Variants in CDKN2C observed in about 807,000 individuals in gnomAD.
CDKN2C encodes the protein cyclin-dependent kinase 4 inhibitor C.
A neutral mutation model predicts 11.0 loss-of-function variants in CDKN2C; 5 were observed. The observed-to-expected ratio is 0.45, with a 90% confidence interval of 0.24 to 0.95. CDKN2C has a LOEUF of 0.95. Ranked by LOEUF, CDKN2C falls within the 40% of genes least tolerant of loss-of-function variation. CDKN2C has a pLI of 0.21. For synonymous variants in CDKN2C, 79 were observed against 88.3 expected, an observed-to-expected ratio of 0.89 and a Z score of 0.59; for missense variants, 161 against 211.9, an observed-to-expected ratio of 0.76 and a Z score of 1.49.
chr1:50,971,587 G>A (rs746131050), intron 1 of CDKN2C, among the ~76,000 whole-genome samples: 2 of 152,126 alleles, frequency 1.3e-5, no homozygotes, highest in Non-Finnish European at 2.9e-5. Context: ...ATTAAGTAAT[G>A]ATTTTTTTTC....
rs1645399663 is a variant in CDKN2C, at chr1:50,974,555, C to CA, written c.*287dup. ...CCCTTGCTTCCCCTTTTGCCAATCT[C>CA]AACACCCAAGTTGAAGACTTTGTTT... On this transcript the variant is annotated 3_prime_UTR_variant, in exon 2 of 2. Transcript: ENST00000371761. 5.9e-6 allele frequency: 2 copies of CA among 336,302 alleles called. No homozygotes were observed. The highest frequency in any genetic ancestry group is 1.1e-5 in the Non-Finnish European group (2 of 185,246). The allele number at this position is 336,302 out of a possible 1,614,324, so 20.8% of individuals were successfully genotyped here. A position where few individuals can be genotyped will look rare whatever the true frequency, so the allele number is the denominator to read the frequency against.
At chr1:50,968,744 T>TC, upstream of CDKN2C, 1 of 152,258 alleles carries the variant, frequency 6.6e-6, no homozygotes, top group Admixed American at 6.5e-5. Flanking sequence ...GGCGGGTTTT[T>TC]CAACTCAAAA....
upstream of CDKN2C, among the ~76,000 whole-genome samples, chr1:50,966,202 C>T (rs1331977105): frequency 6.6e-6 from 1 of 151,898 alleles, no homozygotes; most frequent in African/African-American, 2.4e-5. Flanking sequence ...CCACGCCCAG[C>T]TAATTTTTTT....
chr1:50,965,129 T>C (rs1645341888), intron 1 of CDKN2C, among the ~76,000 whole-genome samples: 1 of 151,938 alleles, frequency 6.6e-6, no homozygotes, highest in African/African-American at 2.4e-5. Context: ...CATGAAACAC[T>C]ATACAAATAT....
chr1:50,965,875 A>G (rs1482375956), upstream of CDKN2C, among the ~76,000 whole-genome samples: 1 of 152,182 alleles, frequency 6.6e-6, no homozygotes, highest in Non-Finnish European at 1.5e-5. Flanking sequence ...CTGTTGATCT[A>G]TAAATACAAC....
chr1:50,967,759 G>C (rs1386905020), upstream of CDKN2C, among the ~76,000 whole-genome samples: 1 of 152,172 alleles, frequency 6.6e-6, no homozygotes, highest in Non-Finnish European at 1.5e-5. Context: ...TAAAGGATTA[G>C]GAGAGAGACC....
intron 1 of CDKN2C, among the ~76,000 whole-genome samples, chr1:50,964,113 T>C (rs1385130705): frequency 6.6e-6 from 1 of 152,220 alleles, no homozygotes; most frequent in African/African-American, 2.4e-5. Context: ...TTATTTAACA[T>C]GGTACATCTA....
upstream of CDKN2C, chr1:50,967,935 G>T (rs1331520706): frequency 1.3e-5 from 2 of 152,164 alleles, no homozygotes; most frequent in Admixed American, 1.3e-4. Flanking sequence ...TCTAATAATA[G>T]GACTATTTCG....
chr1:50,974,026 C>G lies in CDKN2C; in HGVS notation c.263C>G (p.Thr88Ser), dbSNP rs1216520571. ...GCAGGTTTCCTGGACACTTTACAGA[C>G]TTTGCTGGAGTTTCAAGCTGATGTT... ...ARAGFLDTLQ[T>S]LLEFQADVNI... The change falls in exon 2 of 2, where the codon ACT becomes AGT. Residue 88 changes from threonine (T) to serine (S), a missense_variant. Thr to Ser is a moderately conservative substitution (Grantham distance 58, BLOSUM62 1). Transcript: ENST00000371761. The G allele has an allele frequency of 9.3e-6, 15 of 1,614,056 alleles. No individual in the cohort carries two copies. The highest frequency in any genetic ancestry group is 1.1e-5 in the Non-Finnish European group (13 of 1,180,042).
At chr1:50,965,903 G>A (rs935823382), upstream of CDKN2C, among the ~76,000 whole-genome samples, 5 of 152,138 alleles carry the variant, frequency 3.3e-5, no homozygotes, top group South Asian at 6.2e-4. Context: ...AAAACTTTGA[G>A]ACCAGTTAAA....
chr1:50,965,010 G>A (rs1407901679), intron 1 of CDKN2C, among the ~76,000 whole-genome samples: 2 of 151,724 alleles, frequency 1.3e-5, no homozygotes, highest in East Asian at 1.9e-4. Context: ...CTGAGATCGC[G>A]CCACTGCACT....
chr1:50,965,551 T>G (rs1434691890), upstream of CDKN2C, among the ~76,000 whole-genome samples: 2 of 150,444 alleles, frequency 1.3e-5, no homozygotes, highest in Non-Finnish European at 3.0e-5. Context: ...CTCCACAAAA[T>G]TAGAAAAATT....
chr1:50,970,705 A>G (rs958417278), intron 1 of CDKN2C, among the ~76,000 whole-genome samples: 2 of 152,180 alleles, frequency 1.3e-5, no homozygotes, highest in African/African-American at 4.8e-5. Context: ...AACATCCTTG[A>G]TATCAAGTGG....
intron 1 of CDKN2C, among the ~76,000 whole-genome samples, chr1:50,961,876 A>G (rs1354399274): frequency 6.6e-6 from 1 of 152,258 alleles, no homozygotes. Flanking sequence ...TTCATGAGAA[A>G]TCAGAAATAT....
intron 1 of CDKN2C, among the ~76,000 whole-genome samples, chr1:50,964,851 C>T (rs1645339826): frequency 6.6e-6 from 1 of 151,096 alleles, no homozygotes. Flanking sequence ...GTCAGGAGTT[C>T]GAGACCAGCC....
intron 1 of CDKN2C, among the ~76,000 whole-genome samples, chr1:50,970,790 GGTTT>G (rs1383612747): frequency 2.0e-5 from 3 of 151,940 alleles, no homozygotes; most frequent in East Asian, 3.9e-4. Flanking sequence ...GTAGGGCCGA[GGTTT>G]GTTTGTTTTG....
chr1:50,969,200 T>G (rs1010594327), upstream of CDKN2C: 3 of 152,366 alleles, frequency 2.0e-5, no homozygotes, highest in Non-Finnish European at 4.4e-5. The surrounding 1 kb of genome is among the most constrained non-coding windows in gnomAD (Gnocchi z 6.6). Flanking sequence ...TACTCAGAAC[T>G]TGGCCTACGT....
At chr1:50,970,678 A>G (rs759263326) in intron 1 of CDKN2C, among the ~76,000 whole-genome samples, 181 bp downstream of exon 1, 4 of 152,172 alleles carry the variant, frequency 2.6e-5, no homozygotes, top group Non-Finnish European at 4.4e-5. Context: ...ACTTTGAACA[A>G]ACTCCTCAAA....
At chr1:50,969,191 A>C (rs138559346), upstream of CDKN2C, 228 of 152,386 alleles carry the variant, frequency 1.5e-3, no homozygotes, top group Middle Eastern at 3.4e-3. The surrounding 1 kb of genome is among the most constrained non-coding windows in gnomAD (Gnocchi z 6.6). Context: ...GACTCTCCCT[A>C]CTCAGAACTT....
Sources: gnomAD v4.1 joint callset for allele counts (sites outside exome capture counted in the v4.1 genomes callset) on GRCh38, gnomAD v4.1.1 for gene constraint, Gnocchi (gnomAD v3.1) non-coding constraint, MANE v1.5 for transcripts, NCBI Gene and HGNC (gene_info 2026-07-23, HGNC 2026-07-21) for gene names.